CCDC28A: variants seen among roughly 807,000 people sequenced by gnomAD.
CCDC28A encodes coiled-coil domain-containing protein 28A.
A neutral mutation model predicts 22.1 loss-of-function variants in CCDC28A; 24 were observed. That is an observed-to-expected ratio of 1.09 (90% CI 0.79 to 1.53). The LOEUF is 1.53. Ranked by LOEUF, CCDC28A falls within the 40% of genes most tolerant of loss-of-function variation. The pLI, the probability that CCDC28A is intolerant of heterozygous loss-of-function variation, is 0.00. For missense variants in CCDC28A, 170 were observed against 210.7 expected, an observed-to-expected ratio of 0.81 and a Z score of 1.20; for synonymous variants, 83 against 74.7, an observed-to-expected ratio of 1.11 and a Z score of -0.57.
At chr6:138,773,964 G>C in intron 1 of CCDC28A, 62 bp downstream of exon 1, 1 of 1,581,478 alleles carries the variant, frequency 6.3e-7, no homozygotes, top group Admixed American at 1.7e-5. Context: ...CCACCACTCT[G>C]GTCACTGCTG....
At chr6:138,791,369 A>G (rs1193479618) in intron 5 of CCDC28A, among the ~76,000 whole-genome samples, 2 of 152,140 alleles carry the variant, frequency 1.3e-5, no homozygotes, top group Non-Finnish European at 2.9e-5. Flanking sequence ...GGCGTGAGTC[A>G]CCACGCCCAG....
In CCDC28A at chr6:138,793,110, G is replaced by A. The variant is rs1411232179; in HGVS notation, c.*307G>A. The A allele has an allele frequency of 1.3e-5, 4 of 303,468 alleles. No individual in the cohort carries two copies. The highest frequency in any genetic ancestry group is 8.5e-5 in the East Asian group (1 of 11,794). 18.8% of individuals were successfully genotyped at this position (303,468 alleles called of 1,614,324 possible). A position where few individuals can be genotyped will look rare whatever the true frequency, so the allele number is the denominator to read the frequency against. On this transcript the variant is annotated 3_prime_UTR_variant, in exon 6 of 6. Transcript: ENST00000617445. ...ATTGTGCTGATGTTCTTGACAGGGC[G>A]GAGGGATTTCTCTTTCCTGAGCTCA...
At chr6:138,778,526 GT>G (rs1314615660) in intron 2 of CCDC28A, among the ~76,000 whole-genome samples, 1 of 152,168 alleles carries the variant, frequency 6.6e-6, no homozygotes, top group Non-Finnish European at 1.5e-5. Flanking sequence ...TAGGCTAGGG[GT>G]TCCAAAAAGG....
intron 2 of CCDC28A, among the ~76,000 whole-genome samples, chr6:138,778,155 C>A (rs1047771846): frequency 2.0e-5 from 3 of 152,124 alleles, no homozygotes; most frequent in Non-Finnish European, 2.9e-5. Flanking sequence ...TGTATCCCCC[C>A]CTCACCTACT....
intron 5 of CCDC28A, among the ~76,000 whole-genome samples, 192 bp downstream of exon 5, chr6:138,788,580 T>C (rs142632478): frequency 1.3e-5 from 1 of 79,774 alleles, no homozygotes; most frequent in Non-Finnish European, 2.6e-5. Flanking sequence ...TTTTTTTTTT[T>C]TTTTTTTTTT....
At chr6:138,774,965 T>G (rs1774905445) in intron 1 of CCDC28A, among the ~76,000 whole-genome samples, 1 of 152,226 alleles carries the variant, frequency 6.6e-6, no homozygotes, top group African/African-American at 2.4e-5. Context: ...TGTTTTGTTT[T>G]GTTTTTGAGA....
chr6:138,782,800 G>A (rs543135315), intron 3 of CCDC28A, among the ~76,000 whole-genome samples: 15 of 152,252 alleles, frequency 9.9e-5, no homozygotes, highest in African/African-American at 2.6e-4. Context: ...ACATAATGTC[G>A]TATAGTCCAT....
In CCDC28A at chr6:138,785,328, G is replaced by C. The variant is rs779987154; in HGVS notation, c.424G>C (p.Glu142Gln). Residue 142 changes from glutamate to glutamine, a missense_variant, in exon 4 of 6, where the codon GAG becomes CAG. Physicochemically the swap from Glu to Gln is conservative, Grantham distance 29 (BLOSUM62 2). Coordinates refer to ENST00000617445, the MANE Select transcript of CCDC28A (RefSeq NM_015439.3). ...CTATGGGGAGTTAGAGGAACTTCCT[G>C]AGGATAAGAGAAAAACAGCCAGTGA... is the stretch of plus-strand genomic sequence containing the variant. The part of the protein sequence containing the change: ...ELYGELEELP[E>Q]DKRKTASDSN... The C allele has an allele frequency of 3.1e-6, 5 of 1,613,510 alleles. No individual in the cohort carries two copies. The East Asian group carries it at 8.9e-5, about 29-fold the overall frequency.
At position 138,783,876 on chromosome 6, in the gene CCDC28A, C is replaced by G. The variant is rs972275829; in HGVS notation, c.323-1351C>G. ...TGAGCCACCATGCCCAGCCAGAACT[C>G]TTTTTTTTTTTTTTTTTTGAGACAG... On this transcript the variant is annotated intron_variant, in intron 3 of 5. Transcript: ENST00000617445. Among the ~76,000 whole-genome samples the G allele has an allele frequency of 2.8e-4, 35 of 125,472 alleles. 1 individual carries two copies. The highest frequency in any genetic ancestry group is 6.6e-5 in the Non-Finnish European group (4 of 60,450). 82.3% of individuals were successfully genotyped at this position (125,472 alleles called of 152,430 possible).
chr6:138,785,266 G>A lies in CCDC28A; in HGVS notation c.362G>A (p.Gly121Glu). ...CSIEQMEHVR[G>E]MQEKLARLNL... ...ATTGAACAGATGGAACATGTTCGGGGAATGCAGGAGAAATTAGCTCGCTTG... is the reference window on the plus strand; with the variant it reads ...ATTGAACAGATGGAACATGTTCGGGAAATGCAGGAGAAATTAGCTCGCTTG... The change falls in exon 4 of 6, where the codon GGA becomes GAA. Residue 121 changes from glycine (G) to glutamate (E), a missense_variant. Gly to Glu is a moderately conservative substitution (Grantham distance 98). Coordinates refer to ENST00000617445, the MANE Select transcript of CCDC28A (RefSeq NM_015439.3). 1 of 1,613,520 alleles carries A rather than the reference G, an allele frequency of 6.2e-7. No homozygotes were observed.
chr6:138,777,477 C>T (rs559760277), intron 2 of CCDC28A, among the ~76,000 whole-genome samples: 7 of 152,288 alleles, frequency 4.6e-5, no homozygotes, highest in African/African-American at 1.7e-4. Context: ...TAAAAGTAAT[C>T]ACTCCTTTCT....
At chr6:138,774,908 T>C (rs996642574) in intron 1 of CCDC28A, among the ~76,000 whole-genome samples, 3 of 152,072 alleles carry the variant, frequency 2.0e-5, no homozygotes, top group African/African-American at 7.2e-5. Flanking sequence ...AATTTAACAC[T>C]ATGCACAAAT....
intron 1 of CCDC28A, among the ~76,000 whole-genome samples, chr6:138,775,770 T>C (rs1774921723): frequency 6.6e-6 from 1 of 152,218 alleles, no homozygotes; most frequent in Non-Finnish European, 1.5e-5. Context: ...AAACACCTTG[T>C]TCAGTGCCGT....
In CCDC28A at chr6:138,792,891, A is replaced by G. The variant is rs1402215971; in HGVS notation, c.*88A>G. ...AAATCCAGTAGCAGAATCATCTTCC[A>G]CAACAAGGAATTAAAGTAATTAAAG... On this transcript the variant is annotated 3_prime_UTR_variant, in exon 6 of 6. Transcript: ENST00000617445. 2 of 828,356 alleles carry G rather than the reference A, an allele frequency of 2.4e-6. No individual in the cohort carries two copies. The highest frequency in any genetic ancestry group is 2.0e-6 in the Non-Finnish European group (1 of 501,228). The allele number at this position is 828,356 out of a possible 1,614,324, so 51.3% of individuals were successfully genotyped here.
At chr6:138,786,076 A>C (rs1013305995) in intron 4 of CCDC28A, among the ~76,000 whole-genome samples, 1 of 152,176 alleles carries the variant, frequency 6.6e-6, no homozygotes, top group East Asian at 1.9e-4. Context: ...CGGAGGCTAA[A>C]GTTGGAGCTC....
intron 5 of CCDC28A, among the ~76,000 whole-genome samples, chr6:138,789,897 G>T (rs1775145294): frequency 6.6e-6 from 1 of 152,184 alleles, no homozygotes; most frequent in African/African-American, 2.4e-5. Flanking sequence ...AAAGGGGTAT[G>T]TGCATTATCT....
chr6:138,790,393 GC>G (rs1775155209), intron 5 of CCDC28A, among the ~76,000 whole-genome samples: 2 of 152,168 alleles, frequency 1.3e-5, no homozygotes, highest in South Asian at 4.1e-4. Flanking sequence ...CAGGTGGTCT[GC>G]CCGCCTTGGC....
chr6:138,787,496 G>A (rs539788178), intron 4 of CCDC28A, among the ~76,000 whole-genome samples: 5 of 152,286 alleles, frequency 3.3e-5, no homozygotes, highest in African/African-American at 1.2e-4. Context: ...AAGACAAGGG[G>A]TGATGAATTC....
intron 1 of CCDC28A, among the ~76,000 whole-genome samples, chr6:138,775,211 T>A (rs962418628): frequency 6.6e-6 from 1 of 152,240 alleles, no homozygotes; most frequent in African/African-American, 2.4e-5. Flanking sequence ...AGTGCTGGGA[T>A]TACAGGCGTG....
Sources: gnomAD v4.1 joint callset for allele counts (sites outside exome capture counted in the v4.1 genomes callset) on GRCh38, gnomAD v4.1.1 for gene constraint, MANE v1.5 for transcripts, NCBI Gene and HGNC (gene_info 2026-07-23, HGNC 2026-07-21) for gene names.